The following N4BP2 variants were observed in gnomAD, a reference collection of about 807,000 sequenced individuals.
The protein encoded by N4BP2 is NEDD4 binding protein 2.
In N4BP2, 91 loss-of-function variants were observed where a neutral mutation model predicts 152.8. That is an observed-to-expected ratio of 0.60 (90% CI 0.50 to 0.71). N4BP2 has a LOEUF of 0.71. N4BP2 is among the 30% of genes least tolerant of loss of function. The pLI, the probability that N4BP2 is intolerant of heterozygous loss-of-function variation, is 0.00. For missense variants in N4BP2, 1,923 were observed against 2,059.1 expected (o/e 0.93, Z 1.28); for synonymous variants, 646 against 705.3 (o/e 0.92, Z 1.33).
chr4:40,146,883 T>C (rs1292980944), intron 16 of N4BP2, among the ~76,000 whole-genome samples: 1 of 151,204 alleles, frequency 6.6e-6, no homozygotes, highest in Non-Finnish European at 1.5e-5. Context: ...TTTTTTTTTT[T>C]TTTTTTTCCC....
intron 2 of N4BP2, among the ~76,000 whole-genome samples, chr4:40,093,532 G>A (rs750175430): frequency 1.3e-4 from 20 of 151,808 alleles, no homozygotes; most frequent in Non-Finnish European, 2.2e-4. Flanking sequence ...TCAGCCTCCT[G>A]AGTAGCTGGG....
At chr4:40,096,932 T>C (rs565593921) in intron 2 of N4BP2, among the ~76,000 whole-genome samples, 3 of 152,190 alleles carry the variant, frequency 2.0e-5, no homozygotes, top group Non-Finnish European at 4.4e-5. Flanking sequence ...CATCTGAGTA[T>C]AGGTGTTCAG....
At chr4:40,092,927 A>G (rs1333412165) in intron 2 of N4BP2, among the ~76,000 whole-genome samples, 1 of 148,598 alleles carries the variant, frequency 6.7e-6, no homozygotes, top group Non-Finnish European at 1.5e-5. Flanking sequence ...TACAGGCATG[A>G]GCCACCGTGC....
Position 40,102,216 on chromosome 4 carries a change from A to G in N4BP2, c.371A>G (p.Glu124Gly). 1 of 1,614,082 alleles carries G rather than the reference A, an allele frequency of 6.2e-7. No homozygotes were observed. Among genetic ancestry groups the G allele is most frequent in the South Asian group, 1.1e-5 (1 of 91,074 alleles). ...SKIMEKRPEEESEDSKMDSFL... is the reference protein window; with the variant it reads ...SKIMEKRPEEGSEDSKMDSFL... ...ATAATGGAAAAACGTCCTGAAGAAG[A>G]GAGTGAAGATTCAAAAATGGATTCA... The change falls in exon 4 of 18, where the codon GAG (glutamate) becomes GGG (glycine). Residue 124 changes from glutamate (E) to glycine (G), a missense_variant. By Grantham distance (98) the Glu-to-Gly change is moderately conservative. Transcript: ENST00000261435.
intron 2 of N4BP2, among the ~76,000 whole-genome samples, chr4:40,080,915 C>T (rs980403299): frequency 6.6e-6 from 1 of 151,692 alleles, no homozygotes; most frequent in African/African-American, 2.4e-5. Context: ...ATCCGCCCAC[C>T]TCAGCCTCCC....
chr4:40,094,803 C>T (rs762982855), intron 2 of N4BP2, among the ~76,000 whole-genome samples: 4 of 151,698 alleles, frequency 2.6e-5, no homozygotes, highest in African/African-American at 7.3e-5. Context: ...CTGCCCACCT[C>T]GACCTCCCAA....
intron 12 of N4BP2, among the ~76,000 whole-genome samples, chr4:40,127,505 A>G (rs914709025): frequency 2.0e-5 from 3 of 152,080 alleles, no homozygotes; most frequent in Non-Finnish European, 2.9e-5. Context: ...ATGAACCACC[A>G]TGCCCAGCCA....
At chr4:40,123,840 A>C (rs759297825) in intron 10 of N4BP2, among the ~76,000 whole-genome samples, 1 of 152,162 alleles carries the variant, frequency 6.6e-6, no homozygotes, top group Non-Finnish European at 1.5e-5. Context: ...CCCAGAATTA[A>C]AGACTTCAAT....
chr4:40,079,045 C>T (rs1713081886), intron 2 of N4BP2, among the ~76,000 whole-genome samples: 1 of 152,008 alleles, frequency 6.6e-6, no homozygotes, highest in Admixed American at 6.6e-5. Flanking sequence ...CCTCAGCCTC[C>T]TGAGTAGTTG....
chr4:40,074,277 G>A lies in N4BP2; in HGVS notation c.-115+726G>A, dbSNP rs970060921. 2.6e-5 allele frequency among the ~76,000 whole-genome samples: 4 copies of A among 152,188 alleles called. No individual in the cohort carries two copies. The East Asian group carries it at 7.7e-4, about 29-fold the overall frequency. ...AGCTAATTTTTGTATTTTTAGTAGC[G>A]ATGGGGTTTCACATATTGGTCAGGC... is the stretch of plus-strand genomic sequence containing the variant. On this transcript the variant is annotated intron_variant, in intron 2 of 17. Coordinates refer to ENST00000261435, the MANE Select transcript of N4BP2 (RefSeq NM_018177.6).
chr4:40,121,805 A>C lies in N4BP2; in HGVS notation c.3694A>C (p.Asn1232His), dbSNP rs949103419. 48 of 1,613,984 alleles carry C rather than the reference A, an allele frequency of 3.0e-5. No individual in the cohort carries two copies. Among genetic ancestry groups the C allele is most frequent in the Non-Finnish European group, 4.1e-5 (48 of 1,180,038 alleles). ...PSAAVGLKNN[N>H]DILPNSQEEL... ...TGCTGCTGTGGGTCTAAAGAATAAT[A>C]ATGACATACTTCCTAACAGCCAGGA... The change falls in exon 9 of 18, where the codon AAT becomes CAT. Residue 1232 changes from asparagine (N) to histidine (H), a missense_variant. By Grantham distance (68) the Asn-to-His change is moderately conservative (BLOSUM62 1). Coordinates refer to ENST00000261435, the MANE Select transcript of N4BP2 (RefSeq NM_018177.6).
chr4:40,160,078 C>G (rs555739089), downstream of N4BP2, among the ~76,000 whole-genome samples: 7 of 152,096 alleles, frequency 4.6e-5, no homozygotes, highest in African/African-American at 1.7e-4. Flanking sequence ...CCTCAGCCTC[C>G]CAAAGTGCTG....
chr4:40,064,349 A>G (rs1733876312), intron 1 of N4BP2, among the ~76,000 whole-genome samples: 1 of 152,006 alleles, frequency 6.6e-6, no homozygotes, highest in South Asian at 2.1e-4. Flanking sequence ...ATCTTGACTC[A>G]CTGCAACCTC....
Position 40,102,657 on chromosome 4 carries a change from A to G in N4BP2, c.812A>G (p.Glu271Gly). 1 of 1,614,194 alleles carries G rather than the reference A, an allele frequency of 6.2e-7. No individual in the cohort carries two copies. Among genetic ancestry groups the G allele is most frequent in the Non-Finnish European group, 8.5e-7 (1 of 1,180,046 alleles). The change falls in exon 4 of 18, where the codon GAA becomes GGA. Residue 271 changes from glutamate to glycine, a missense_variant. By Grantham distance (98) the Glu-to-Gly change is moderately conservative. Transcript: ENST00000261435. ...SLNQKQKELL[E>G]SECVEAQFSE... ...AATCAAAAACAGAAAGAACTTTTAG[A>G]ATCTGAGTGCGTTGAGGCTCAATTC...
rs145036976 is a variant in N4BP2 at position 40,086,361 on chromosome 4, G to T, written c.-114-10866G>T. 1.1e-3 allele frequency among the ~76,000 whole-genome samples: 164 copies of T among 151,252 alleles called. 3 individuals carry two copies. The East Asian group carries it at 0.027, about 25-fold the overall frequency. ...TTATTTATTTTTTTGTTTTTGAGAC[G>T]AAGTCTTACCCTGTCACCCAGGCTG... is the stretch of plus-strand genomic sequence containing the variant. On this transcript the variant is annotated intron_variant, in intron 2 of 17. Coordinates refer to ENST00000261435, the MANE Select transcript of N4BP2 (RefSeq NM_018177.6).
chr4:40,170,182 A>G, the N4BP2 span, among the ~76,000 whole-genome samples: 1 of 152,220 alleles, frequency 6.6e-6, no homozygotes, highest in African/African-American at 2.4e-5. Flanking sequence ...AAATTTCAAG[A>G]TATATACCCT....
chr4:40,154,069 AGGGTCAATACTT>A, intron 17 of N4BP2, 111 bp from the exon 18 acceptor site: 2 of 662,572 alleles, frequency 3.0e-6, no homozygotes, highest in South Asian at 1.9e-5. Context: ...TGACTTAATA[AGGGTCAATACTT>A]TGGTAGTAAA....
intron 5 of N4BP2, among the ~76,000 whole-genome samples, chr4:40,108,845 T>C (rs1298746425): frequency 6.7e-6 from 1 of 148,368 alleles, no homozygotes; most frequent in Non-Finnish European, 1.5e-5. Flanking sequence ...GGAGACAGAG[T>C]CCTGCTCTGT....
At chr4:40,161,635 T>C (rs1206748775), downstream of N4BP2, among the ~76,000 whole-genome samples, 7 of 152,216 alleles carry the variant, frequency 4.6e-5, no homozygotes, top group Non-Finnish European at 1.0e-4. Flanking sequence ...CTGAAATATG[T>C]ACGTAAAATG....
Sources: gnomAD v4.1 joint callset for allele counts (sites outside exome capture counted in the v4.1 genomes callset) on GRCh38, gnomAD v4.1.1 for gene constraint, MANE v1.5 for transcripts, NCBI Gene and HGNC (gene_info 2026-07-23, HGNC 2026-07-21) for gene names.